Variants in SUMF1 observed in about 807,000 individuals in gnomAD.
The protein encoded by SUMF1 is formylglycine-generating enzyme.
In SUMF1, 48 loss-of-function variants were observed where a neutral mutation model predicts 47.6. That is an observed-to-expected ratio of 1.01 (90% CI 0.80 to 1.28). SUMF1 has a LOEUF of 1.28. SUMF1 is among the 50% of genes most tolerant of loss of function. The pLI is 0.00. For synonymous variants in SUMF1, 230 were observed against 192.1 expected (o/e 1.20, Z -1.63); for missense variants, 571 against 485.4 (o/e 1.18, Z -1.66).
At chr3:4,298,267 T>C (rs1559207694) in intron 8 of SUMF1, among the ~76,000 whole-genome samples, 1 of 152,194 alleles carries the variant, frequency 6.6e-6, no homozygotes, top group Admixed American at 6.5e-5. Context: ...AGCAGTTGTC[T>C]AGAGAAAATA....
At chr3:4,037,417 A>G (rs1357834761) in intron 9 of SUMF1, among the ~76,000 whole-genome samples, 1 of 152,180 alleles carries the variant, frequency 6.6e-6, no homozygotes, top group African/African-American at 2.4e-5. Context: ...ATAAATGGCC[A>G]ATACATCGGA....
intron 8 of SUMF1, among the ~76,000 whole-genome samples, chr3:4,124,778 G>C (rs927469290): frequency 6.6e-6 from 1 of 150,438 alleles, no homozygotes; most frequent in Non-Finnish European, 1.5e-5. Flanking sequence ...GTATTGATTT[G>C]AGAATACTAC....
intron 8 of SUMF1, among the ~76,000 whole-genome samples, chr3:4,275,722 G>A (rs314417): frequency 0.5 from 75,605 of 151,890 alleles, 19,469 homozygotes; most frequent in East Asian, 0.87. Flanking sequence ...GAATTCTCTC[G>A]GGAAGAAGAC....
intron 4 of SUMF1, among the ~76,000 whole-genome samples, chr3:4,418,666 C>T (rs1701796717): frequency 6.6e-6 from 1 of 152,212 alleles, no homozygotes; most frequent in Non-Finnish European, 1.5e-5. Flanking sequence ...CCTGCTCTGG[C>T]CCCTGCTTTC....
chr3:4,167,141 C>T (rs1335957153), intron 8 of SUMF1, among the ~76,000 whole-genome samples: 4 of 152,012 alleles, frequency 2.6e-5, no homozygotes, highest in South Asian at 2.1e-4. Context: ...AATGAAGCCA[C>T]GGGCCTCTGT....
intron 8 of SUMF1, among the ~76,000 whole-genome samples, chr3:4,285,573 T>G (rs543359998): frequency 5.9e-5 from 9 of 152,292 alleles, no homozygotes; most frequent in African/African-American, 2.2e-4. Flanking sequence ...GTATGTAATA[T>G]TAACAATTCT....
At chr3:4,157,740 A>T (rs6808461) in intron 8 of SUMF1, among the ~76,000 whole-genome samples, 1 of 151,238 alleles carries the variant, frequency 6.6e-6, no homozygotes, top group Non-Finnish European at 1.5e-5. Context: ...TAAGACTTTA[A>T]GTTCTTCCCA....
At chr3:4,425,473 A>C (rs1197833734) in intron 3 of SUMF1, among the ~76,000 whole-genome samples, 2 of 152,168 alleles carry the variant, frequency 1.3e-5, no homozygotes, top group African/African-American at 4.8e-5. Context: ...TAATTAGTGA[A>C]AATCTACCCC....
chr3:4,460,748 T>C (rs978821012), intron 1 of SUMF1, among the ~76,000 whole-genome samples: 1 of 151,628 alleles, frequency 6.6e-6, no homozygotes, highest in Non-Finnish European at 1.5e-5. Flanking sequence ...CCCTTGATCG[T>C]CTGGTCTCAA....
intron 8 of SUMF1, among the ~76,000 whole-genome samples, chr3:4,279,804 T>C (rs1697491355): frequency 6.6e-6 from 1 of 152,202 alleles, no homozygotes; most frequent in African/African-American, 2.4e-5. Context: ...AGGGAACCCA[T>C]TTCCTAAAAT....
chr3:4,072,953 G>A (rs926996125), intron 8 of SUMF1, among the ~76,000 whole-genome samples: 4 of 152,160 alleles, frequency 2.6e-5, no homozygotes, highest in Non-Finnish European at 2.9e-5. Context: ...TAGCAAGGGA[G>A]GCCAACATTC....
At chr3:4,416,612 G>A (rs1701721311) in intron 6 of SUMF1, among the ~76,000 whole-genome samples, 1 of 152,252 alleles carries the variant, frequency 6.6e-6, no homozygotes, top group Non-Finnish European at 1.5e-5. Context: ...TTCCAGCTGT[G>A]TAACCTTGAG....
chr3:4,284,581 T>C (rs755735452), intron 8 of SUMF1, among the ~76,000 whole-genome samples: 21 of 152,096 alleles, frequency 1.4e-4, no homozygotes, highest in Non-Finnish European at 2.6e-4. Flanking sequence ...ATGTGATTGA[T>C]CCACTTTAAA....
At chr3:4,365,868 C>A (rs1017223391) in intron 8 of SUMF1, among the ~76,000 whole-genome samples, 3 of 152,076 alleles carry the variant, frequency 2.0e-5, no homozygotes, top group Non-Finnish European at 2.9e-5. Context: ...TTGTTCCTTT[C>A]CATATTTAGT....
At chr3:4,268,662 C>A (rs1697246739) in intron 8 of SUMF1, among the ~76,000 whole-genome samples, 1 of 151,370 alleles carries the variant, frequency 6.6e-6, no homozygotes, top group African/African-American at 2.4e-5. Flanking sequence ...CCCCTGTTTA[C>A]ATACACAGAA....
rs368648948 is a variant in SUMF1 at position 4,339,941 on chromosome 3, G to A, written c.1014+36389C>T. On this transcript the variant is annotated intron_variant and NMD_transcript_variant, in intron 8 of 12. Coordinates refer to the SUMF1 transcript ENST00000448413. ...AAAATGCAAAAATTAACCGGGTGTG[G>A]TTACACATACCTGTGGTCCCAGCCA... Among the ~76,000 whole-genome samples, 9 of 152,174 alleles carry A rather than the reference G, an allele frequency of 5.9e-5. 1 individual carries two copies. The highest frequency in any genetic ancestry group is 2.2e-4 in the African/African-American group (9 of 41,512).
At chr3:4,128,817 C>G (rs112217589) in intron 8 of SUMF1, among the ~76,000 whole-genome samples, 1 of 152,086 alleles carries the variant, frequency 6.6e-6, no homozygotes, top group African/African-American at 2.4e-5. Flanking sequence ...AGAGTTGGAT[C>G]AGGCTGAATG....
At chr3:4,392,276 A>T (rs1700893403) in intron 7 of SUMF1, among the ~76,000 whole-genome samples, 1 of 151,972 alleles carries the variant, frequency 6.6e-6, no homozygotes, top group Non-Finnish European at 1.5e-5. Context: ...TTTTTTTAAA[A>T]TTTCTATTTG....
chr3:4,328,675 CA>C (rs35662487), intron 8 of SUMF1, among the ~76,000 whole-genome samples: 9,540 of 152,180 alleles, frequency 0.063, 525 homozygotes, highest in South Asian at 0.31. Flanking sequence ...GGGACATAGT[CA>C]AACCATATCA....
Sources: allele counts gnomAD v4.1 joint callset (sites outside exome capture counted in the v4.1 genomes callset), GRCh38; gene constraint gnomAD v4.1.1; transcripts MANE v1.5; gene names NCBI Gene and HGNC (gene_info 2026-07-23, HGNC 2026-07-21).